CARMIL1: variants seen among roughly 807,000 people sequenced by gnomAD.
CARMIL1 encodes the protein F-actin-uncapping protein LRRC16A.
CARMIL1 carries 90 observed loss-of-function variants against 177.1 expected under a neutral mutation model. The observed-to-expected ratio is 0.51, with a 90% CI of 0.43 to 0.61. CARMIL1 has a LOEUF of 0.61. CARMIL1 is among the 20% of genes least tolerant of loss of function. The probability of loss-of-function intolerance (pLI) is 0.00; values close to 1 mark genes in which losing one functional copy is unlikely to be tolerated. For synonymous variants in CARMIL1, 577 were observed against 606.2 expected (o/e 0.95, Z 0.71); for missense variants, 1,380 against 1,667.0 (o/e 0.83, Z 3.00).
chr6:25,319,305 A>G (rs1362998631), intron 2 of CARMIL1, among the ~76,000 whole-genome samples: 1 of 152,066 alleles, frequency 6.6e-6, no homozygotes, highest in Non-Finnish European at 1.5e-5. Flanking sequence ...AATAAAATAT[A>G]TTTTTATGAT....
chr6:25,503,503 T>G (rs909080818), intron 17 of CARMIL1, among the ~76,000 whole-genome samples: 1 of 152,264 alleles, frequency 6.6e-6, no homozygotes, highest in Non-Finnish European at 1.5e-5. Flanking sequence ...GCTGGAATGC[T>G]TGACACTTTG....
chr6:25,281,136 G>GCGCGCACA (rs10642536), intron 1 of CARMIL1, among the ~76,000 whole-genome samples: 19,453 of 131,516 alleles, frequency 0.15, 1,720 homozygotes, highest in East Asian at 0.19. Flanking sequence ...GTGCGCGCGC[G>GCGCGCACA]CACACACACA....
rs999475656 is a variant in CARMIL1, at chr6:25,558,307, G to C, written c.2742+1457G>C. On this transcript the variant is annotated intron_variant, in intron 29 of 36. Transcript: ENST00000329474. This position sits in a 1 kb window ranked among gnomAD's most constrained non-coding sequence, Gnocchi z 4.1. Reference sequence around the variant, plus strand: ...AAAGGGTGAAGGAAAAAACAAGCTAGTAAAATGTATTTTATTAGGTTTATA... The same window carrying C: ...AAAGGGTGAAGGAAAAAACAAGCTACTAAAATGTATTTTATTAGGTTTATA... Among the ~76,000 whole-genome samples the C allele has an allele frequency of 2.6e-5, 4 of 152,184 alleles. No individual in the cohort carries two copies. Among genetic ancestry groups the C allele is most frequent in the African/African-American group, 9.7e-5 (4 of 41,444 alleles).
At chr6:25,357,982 A>C (rs1788801677) in intron 2 of CARMIL1, among the ~76,000 whole-genome samples, 1 of 152,194 alleles carries the variant, frequency 6.6e-6, no homozygotes, top group South Asian at 2.1e-4. Context: ...GCTGGCTGTG[A>C]GCATTTAGCC....
chr6:25,534,992 T>G (rs1307063303), intron 24 of CARMIL1, among the ~76,000 whole-genome samples: 1 of 152,234 alleles, frequency 6.6e-6, no homozygotes, highest in Non-Finnish European at 1.5e-5. Context: ...TTCTTACCCG[T>G]GGGTTCAATA....
At chr6:25,569,096 AT>A (rs1199451639) in intron 29 of CARMIL1, among the ~76,000 whole-genome samples, 7 of 152,220 alleles carry the variant, frequency 4.6e-5, no homozygotes, top group Admixed American at 6.5e-5. Context: ...AATATTGCAT[AT>A]TTTTTTGACA....
At chr6:25,609,334 C>T (rs1378954593) in intron 35 of CARMIL1, among the ~76,000 whole-genome samples, 1 of 152,010 alleles carries the variant, frequency 6.6e-6, no homozygotes, top group Non-Finnish European at 1.5e-5. Context: ...GGCATGGTGG[C>T]ACGTGCCTGT....
chr6:25,489,527 G>T (rs1226163695), intron 13 of CARMIL1, among the ~76,000 whole-genome samples: 1 of 152,166 alleles, frequency 6.6e-6, no homozygotes, highest in Non-Finnish European at 1.5e-5. Flanking sequence ...ATTTCCATAT[G>T]TGGCAAATGA....
At chr6:25,458,348 CG>C (rs1799716252) in intron 8 of CARMIL1, among the ~76,000 whole-genome samples, 1 of 151,926 alleles carries the variant, frequency 6.6e-6, no homozygotes, top group African/African-American at 2.4e-5. Flanking sequence ...ATTAGCTGGG[CG>C]TGGTGGCACG....
intron 2 of CARMIL1, among the ~76,000 whole-genome samples, chr6:25,349,886 G>A (rs1787939737): frequency 6.6e-6 from 1 of 151,968 alleles, no homozygotes; most frequent in Non-Finnish European, 1.5e-5. Context: ...ATGCCACCAC[G>A]CCCAGCTAAT....
At chr6:25,544,773 A>G (rs1187364848) in intron 26 of CARMIL1, among the ~76,000 whole-genome samples, 3 of 152,168 alleles carry the variant, frequency 2.0e-5, no homozygotes, top group African/African-American at 7.2e-5. Context: ...ACATGAAACA[A>G]TGACATTAAT....
In CARMIL1 at chr6:25,437,292, A is replaced by AT. The variant is rs1189784614; in HGVS notation, c.371+1689dup. On this transcript the variant is annotated intron_variant, in intron 5 of 36. Transcript: ENST00000329474. ...AACTTTAAAGACACTTCAGAGCAAT[A>AT]TCTAGAATCTCTATTTTCTTTAAAA... Among the ~76,000 whole-genome samples the AT allele has an allele frequency of 3.9e-5, 6 of 152,350 alleles. No homozygotes were observed. The East Asian group carries it at 1.2e-3, about 29-fold the overall frequency.
chr6:25,619,428 A>G lies in CARMIL1; in HGVS notation c.3980-19A>G. The G allele has an allele frequency of 6.2e-7, 1 of 1,607,770 alleles. No individual in the cohort carries two copies. The highest frequency in any genetic ancestry group is 2.2e-5 in the East Asian group (1 of 44,456). On this transcript the variant is annotated intron_variant, in intron 36 of 36. Transcript: ENST00000329474. ...TATTACTTTGTCAGTAAACTGTGCG[A>G]CTTCCCTTTTTATTTCAGTTTCAAG...
intron 26 of CARMIL1, among the ~76,000 whole-genome samples, chr6:25,550,300 G>A (rs1265390078): frequency 6.6e-6 from 1 of 152,108 alleles, no homozygotes; most frequent in Non-Finnish European, 1.5e-5. Flanking sequence ...TGTCTATAAG[G>A]TGCTATTAAT....
rs75868864 is a variant in CARMIL1, at chr6:25,567,507, C to T, written c.2742+10657C>T. ...CATACATATAACACATGTGATCCTT[C>T]CAAATTCAGCCCTTGTGGTTAATCA... is the stretch of plus-strand genomic sequence containing the variant. On this transcript the variant is annotated intron_variant, in intron 29 of 36. Coordinates refer to ENST00000329474, the MANE Select transcript of CARMIL1 (RefSeq NM_017640.6). Among the ~76,000 whole-genome samples, 381 of 152,294 alleles carry T rather than the reference C, an allele frequency of 2.5e-3. 2 individuals are homozygous for T. Among genetic ancestry groups the T allele is most frequent in the South Asian group, 3.3e-3 (16 of 4,828 alleles).
chr6:25,297,045 G>A (rs1782459849), intron 2 of CARMIL1, among the ~76,000 whole-genome samples: 3 of 152,094 alleles, frequency 2.0e-5, no homozygotes, highest in Admixed American at 2.0e-4. Context: ...CTCCTATCTT[G>A]GCCTCCTGAG....
At position 25,284,852 on chromosome 6, in the gene CARMIL1, A is replaced by T; in HGVS notation, c.81A>T (p.Ser27=). The change falls in exon 2 of 37, where the codon TCA becomes TCT. Residue 27 remains serine (S), a synonymous_variant. Transcript: ENST00000329474. ...TTATTGGCAGAAAGATAAAAATTTC[A>T]GTGAAGAAGAAAGTAAAGTTGGAAG... ...KDVIGRKIKI[S]VKKKVKLEVK... The T allele has an allele frequency of 6.4e-7, 1 of 1,572,128 alleles. No homozygotes were observed. The highest frequency in any genetic ancestry group is 8.6e-7 in the Non-Finnish European group (1 of 1,156,406).
chr6:25,615,125 G>A (rs1245786255), intron 36 of CARMIL1, among the ~76,000 whole-genome samples: 2 of 152,232 alleles, frequency 1.3e-5, no homozygotes, highest in African/African-American at 4.8e-5. Flanking sequence ...CTGCGTAGCA[G>A]TCTGCTTTCT....
chr6:25,452,330 G>C, intron 8 of CARMIL1: 1 of 693,392 alleles, frequency 1.4e-6, no homozygotes, highest in South Asian at 1.6e-5. Flanking sequence ...TCATAAAAAA[G>C]TGAACTGAGA....
Sources: allele counts gnomAD v4.1 joint callset (sites outside exome capture counted in the v4.1 genomes callset), GRCh38; gene constraint gnomAD v4.1.1; non-coding constraint Gnocchi (gnomAD v3.1); transcripts MANE v1.5; gene names NCBI Gene and HGNC (gene_info 2026-07-23, HGNC 2026-07-21).